SPIDR: variants seen among roughly 807,000 people sequenced by gnomAD.
The protein encoded by SPIDR is DNA repair-scaffolding protein.
SPIDR carries 93 observed loss-of-function variants against 104.6 expected under a neutral mutation model. The ratio of observed to expected loss-of-function variants is 0.89; its 90% CI spans 0.75 to 1.06. The LOEUF is 1.06. SPIDR is among the 50% of genes least tolerant of loss of function. SPIDR has a pLI of 0.00. For synonymous variants in SPIDR, 431 were observed against 416.9 expected, an observed-to-expected ratio of 1.03 and a Z score of -0.41; for missense variants, 1,154 against 1,111.2, an observed-to-expected ratio of 1.04 and a Z score of -0.55.
At chr8:47,567,227 A>T (rs10113241) in intron 8 of SPIDR, among the ~76,000 whole-genome samples, 100,461 of 149,934 alleles carry the variant, frequency 0.67, 33,937 homozygotes, top group East Asian at 0.78. Context: ...ATATATATAT[A>T]TTTTTTTTCT....
At chr8:47,549,634 T>C (rs2090111019) in intron 8 of SPIDR, among the ~76,000 whole-genome samples, 1 of 152,252 alleles carries the variant, frequency 6.6e-6, no homozygotes, top group African/African-American at 2.4e-5. Flanking sequence ...CTTGTAAATT[T>C]GTTTGAGTTC....
chr8:47,273,893 T>TA (rs2035835164), intron 1 of SPIDR, among the ~76,000 whole-genome samples: 1 of 152,166 alleles, frequency 6.6e-6, no homozygotes, highest in Admixed American at 6.6e-5. Context: ...TTCTGGCTGT[T>TA]AAAGTGTTTT....
chr8:47,284,692 G>C (rs1014509905), intron 3 of SPIDR, among the ~76,000 whole-genome samples: 7 of 152,172 alleles, frequency 4.6e-5, no homozygotes, highest in Non-Finnish European at 7.3e-5. Flanking sequence ...CTGAATTCTT[G>C]GAAGAGTGTA....
At chr8:47,626,990 T>A (rs778447167) in intron 10 of SPIDR, among the ~76,000 whole-genome samples, 2 of 152,126 alleles carry the variant, frequency 1.3e-5, no homozygotes, top group Non-Finnish European at 2.9e-5. Flanking sequence ...AACCAACCCA[T>A]ATGTCCAACA....
At position 47,474,376 on chromosome 8, in the gene SPIDR, T is replaced by C. The variant is rs561872942; in HGVS notation, c.1097+33834T>C. On this transcript the variant is annotated intron_variant, in intron 8 of 19. Transcript: ENST00000297423. ...ATAATTTTTCTCAATAAATATGCTG[T>C]CTTTAGCTGTTTGAGAGATACAATC... 2.6e-5 allele frequency among the ~76,000 whole-genome samples: 4 copies of C among 152,336 alleles called. No homozygotes were observed. The South Asian group carries it at 6.2e-4, about 24-fold the overall frequency.
intron 5 of SPIDR, among the ~76,000 whole-genome samples, chr8:47,378,119 C>T (rs1554643456): frequency 1.3e-5 from 2 of 152,180 alleles, no homozygotes. Context: ...TCCAGCACTA[C>T]CTTTGACATT....
intron 8 of SPIDR, among the ~76,000 whole-genome samples, chr8:47,501,825 C>T (rs1249931194): frequency 6.6e-6 from 1 of 152,178 alleles, no homozygotes; most frequent in East Asian, 1.9e-4. Flanking sequence ...CCCATCAATA[C>T]CTAATTTATT....
chr8:47,645,181 G>A (rs1409752704), intron 10 of SPIDR, among the ~76,000 whole-genome samples: 1 of 152,178 alleles, frequency 6.6e-6, no homozygotes, highest in East Asian at 1.9e-4. Flanking sequence ...TACAAGAATA[G>A]GAACAGGAAA....
intron 8 of SPIDR, among the ~76,000 whole-genome samples, chr8:47,534,172 G>C (rs1472413856): frequency 1.3e-5 from 2 of 152,176 alleles, no homozygotes; most frequent in African/African-American, 2.4e-5. Context: ...AGTTTCCCGA[G>C]GCCATCCCAG....
chr8:47,685,803 C>G (rs1166168714), intron 11 of SPIDR, among the ~76,000 whole-genome samples: 1 of 151,918 alleles, frequency 6.6e-6, no homozygotes, highest in Non-Finnish European at 1.5e-5. Flanking sequence ...TTGCCCACCT[C>G]GGCCTCCCAA....
chr8:47,613,041 A>G (rs1205299701), intron 10 of SPIDR, among the ~76,000 whole-genome samples: 3 of 152,242 alleles, frequency 2.0e-5, no homozygotes, highest in Non-Finnish European at 4.4e-5. Context: ...ATTTTAAAGT[A>G]TGTAATTCAG....
intron 7 of SPIDR, among the ~76,000 whole-genome samples, chr8:47,433,750 T>G (rs1554690561): frequency 6.6e-6 from 1 of 152,244 alleles, no homozygotes; most frequent in African/African-American, 2.4e-5. Context: ...GTAAATTTGT[T>G]GATTATTTGT....
rs538406854 is a variant in SPIDR at position 47,343,601 on chromosome 8, G to A, written c.525+49571G>A. ...CTGGGGTGGATGGAGTCTCATCTGC[G>A]TGTGCTTCACTTTCAACACAGCTGC... is the stretch of plus-strand genomic sequence containing the variant. On this transcript the variant is annotated intron_variant, in intron 5 of 19. Coordinates refer to ENST00000297423, the MANE Select transcript of SPIDR (RefSeq NM_001080394.4). Among the ~76,000 whole-genome samples, 61 of 152,284 alleles carry A rather than the reference G, an allele frequency of 4.0e-4. No individual in the cohort carries two copies. In the Middle Eastern group the frequency reaches 0.01, roughly 25 times the overall value.
chr8:47,558,625 G>C (rs1478186341), intron 8 of SPIDR, among the ~76,000 whole-genome samples: 3 of 47,822 alleles, frequency 6.3e-5, no homozygotes, highest in African/African-American at 2.7e-4. Context: ...TAAGTATCTA[G>C]CTTCACCTTT....
intron 10 of SPIDR, among the ~76,000 whole-genome samples, chr8:47,647,683 A>AGG (rs2070789884): frequency 7.1e-6 from 1 of 141,728 alleles, no homozygotes; most frequent in Non-Finnish European, 1.6e-5. Flanking sequence ...AGAGGGAGAG[A>AGG]GAGAGAGAGA....
chr8:47,576,438 A>G (rs1382692790), intron 8 of SPIDR, among the ~76,000 whole-genome samples: 1 of 152,002 alleles, frequency 6.6e-6, no homozygotes, highest in East Asian at 1.9e-4. Context: ...GGCATGAGCC[A>G]CTGGACCCAG....
chr8:47,725,192 GA>G lies in SPIDR; in HGVS notation c.2342-2005del, dbSNP rs548033927. Among the ~76,000 whole-genome samples, 26 of 152,312 alleles carry G rather than the reference GA, an allele frequency of 1.7e-4. 1 individual carries two copies. The highest frequency in any genetic ancestry group is 6.0e-4 in the African/African-American group (25 of 41,578). On this transcript the variant is annotated intron_variant, in intron 16 of 19. Coordinates refer to ENST00000297423, the MANE Select transcript of SPIDR (RefSeq NM_001080394.4). ...GACCCACCCATCCTGAGGACCCTTT[GA>G]AAGGACCTTTTTAAAAAGATGTGTT...
At chr8:47,330,769 G>A (rs1350056311) in intron 5 of SPIDR, 2 of 456,064 alleles carry the variant, frequency 4.4e-6, no homozygotes, top group Non-Finnish European at 8.8e-6. Flanking sequence ...AGACATCTGG[G>A]TTGCTTCTAG....
chr8:47,696,477 A>G (rs1292542963), intron 11 of SPIDR, among the ~76,000 whole-genome samples: 1 of 152,340 alleles, frequency 6.6e-6, no homozygotes, highest in East Asian at 1.9e-4. Flanking sequence ...ATGTTTTTAA[A>G]ATTAAAGTTA....
Sources: gnomAD v4.1 joint callset for allele counts (sites outside exome capture counted in the v4.1 genomes callset) on GRCh38, gnomAD v4.1.1 for gene constraint, MANE v1.5 for transcripts, NCBI Gene and HGNC (gene_info 2026-07-23, HGNC 2026-07-21) for gene names.